TASP1: variants seen among roughly 807,000 people sequenced by gnomAD.
TASP1 encodes the protein taspase 1.
A neutral mutation model predicts 56.6 loss-of-function variants in TASP1; 16 were observed. The ratio of observed to expected loss-of-function variants is 0.28; its 90% CI spans 0.19 to 0.43. The LOEUF (loss-of-function observed/expected upper bound fraction) is 0.43, where lower values mean the gene tolerates loss of function less well. Ranked by LOEUF, TASP1 falls within the 20% of genes least tolerant of loss-of-function variation. The pLI is 1.00. For synonymous variants in TASP1, 179 were observed against 184.2 expected, an observed-to-expected ratio of 0.97 and a Z score of 0.23; for missense variants, 393 against 511.6, an observed-to-expected ratio of 0.77 and a Z score of 2.24.
chr20:13,542,889 C>T (rs888836282), intron 8 of TASP1, among the ~76,000 whole-genome samples: 1 of 151,348 alleles, frequency 6.6e-6, no homozygotes, highest in African/African-American at 2.4e-5. Flanking sequence ...AATTAATAAG[C>T]TAACTATCCA....
the TASP1 span, among the ~76,000 whole-genome samples, chr20:13,224,793 T>C: frequency 6.6e-6 from 1 of 152,044 alleles, no homozygotes; most frequent in Non-Finnish European, 1.5e-5. Context: ...AAGTGCCTTT[T>C]ATGTGGCAGG....
At chr20:13,567,580 C>A (rs140969529) in intron 7 of TASP1, among the ~76,000 whole-genome samples, 6 of 151,368 alleles carry the variant, frequency 4.0e-5, no homozygotes, top group Admixed American at 1.3e-4. Context: ...AAAAAAAATG[C>A]CCCAAGATGC....
At chr20:13,129,390 T>C in the TASP1 span, among the ~76,000 whole-genome samples, 1 of 152,210 alleles carries the variant, frequency 6.6e-6, no homozygotes, top group African/African-American at 2.4e-5. Context: ...GAAAAACTGT[T>C]CTGGAACTAC....
intron 12 of TASP1, 147 bp downstream of exon 12, chr20:13,434,897 A>C: frequency 1.9e-6 from 1 of 523,344 alleles, no homozygotes; most frequent in Non-Finnish European, 3.4e-6. Flanking sequence ...CTACGGAAAA[A>C]GATCAGTAGA....
the TASP1 span, chr20:13,221,815 G>A: frequency 6.9e-7 from 1 of 1,457,740 alleles, no homozygotes; most frequent in African/African-American, 1.5e-5. Context: ...TGCTGCTGGG[G>A]CTGCTGCTGC....
the TASP1 span, among the ~76,000 whole-genome samples, chr20:13,192,241 T>C: frequency 1.3e-5 from 2 of 151,974 alleles, no homozygotes; most frequent in Non-Finnish European, 2.9e-5. Flanking sequence ...AATTTGGAGG[T>C]ACATAAAGAA....
chr20:13,273,481 C>A, the TASP1 span, among the ~76,000 whole-genome samples: 1 of 152,070 alleles, frequency 6.6e-6, no homozygotes, highest in Non-Finnish European at 1.5e-5. Flanking sequence ...AGTAATTTTC[C>A]TGCCTCAGCC....
intron 4 of TASP1, among the ~76,000 whole-genome samples, chr20:13,610,460 C>T (rs1356905388): frequency 6.6e-6 from 1 of 152,108 alleles, no homozygotes; most frequent in Non-Finnish European, 1.5e-5. Flanking sequence ...GTGCTAGTGA[C>T]ACAAGGCCGG....
At chr20:13,597,526 G>C (rs529961171) in intron 4 of TASP1, among the ~76,000 whole-genome samples, 183 of 152,220 alleles carry the variant, frequency 1.2e-3, no homozygotes, top group African/African-American at 3.9e-3. Context: ...CTGATGGAAT[G>C]TATCTCAAAA....
the TASP1 span, among the ~76,000 whole-genome samples, chr20:13,373,510 A>T: frequency 6.6e-6 from 1 of 150,600 alleles, no homozygotes; most frequent in African/African-American, 2.4e-5. Context: ...TTTGAAAGAC[A>T]GTCTTTTAAG....
At chr20:13,593,817 C>T (rs1207135522) in intron 4 of TASP1, among the ~76,000 whole-genome samples, 1 of 152,196 alleles carries the variant, frequency 6.6e-6, no homozygotes, top group Non-Finnish European at 1.5e-5. Flanking sequence ...CAGACTTAAA[C>T]GTCCCTGTCT....
At chr20:13,386,868 C>T (rs938653900), downstream of TASP1, among the ~76,000 whole-genome samples, 4 of 152,104 alleles carry the variant, frequency 2.6e-5, no homozygotes, top group African/African-American at 9.7e-5. Context: ...AATTTTCTGT[C>T]TTTCCAACTT....
At chr20:13,291,314 G>A in the TASP1 span, among the ~76,000 whole-genome samples, 72 of 152,254 alleles carry the variant, frequency 4.7e-4, no homozygotes, top group African/African-American at 1.6e-3. Context: ...TCGTTTTTAA[G>A]GATCTCTTTA....
At chr20:13,521,697 G>A (rs1377458404) in intron 10 of TASP1, among the ~76,000 whole-genome samples, 3 of 151,362 alleles carry the variant, frequency 2.0e-5, no homozygotes, top group Admixed American at 2.0e-4. Flanking sequence ...CGAGTTAATG[G>A]GTGCAGCACA....
the TASP1 span, chr20:13,270,595 C>T: frequency 4.3e-6 from 7 of 1,613,892 alleles, no homozygotes; most frequent in East Asian, 8.9e-5. Context: ...CACCAGGCTG[C>T]ACACCAACCC....
At chr20:13,499,331 G>T (rs1225428943) in intron 10 of TASP1, among the ~76,000 whole-genome samples, 1 of 152,018 alleles carries the variant, frequency 6.6e-6, no homozygotes, top group Non-Finnish European at 1.5e-5. Flanking sequence ...ATGGAGGGGT[G>T]CAAGGGCTGA....
the TASP1 span, chr20:13,133,132 G>C: frequency 6.6e-6 from 1 of 151,856 alleles, no homozygotes; most frequent in East Asian, 1.9e-4. Context: ...TTTTCTATTT[G>C]TTCTTCCTCT....
intron 10 of TASP1, among the ~76,000 whole-genome samples, chr20:13,495,899 C>T (rs2043704792): frequency 6.6e-6 from 1 of 152,116 alleles, no homozygotes; most frequent in African/African-American, 2.4e-5. Context: ...TTCATATAGT[C>T]TCAGGAAATT....
the TASP1 span, among the ~76,000 whole-genome samples, chr20:13,379,622 G>A: frequency 6.6e-6 from 1 of 152,062 alleles, no homozygotes; most frequent in Admixed American, 6.5e-5. Flanking sequence ...ATGTTGGCCT[G>A]TCTTGGTGGG....
Sources: allele counts gnomAD v4.1 joint callset (sites outside exome capture counted in the v4.1 genomes callset), GRCh38; gene constraint gnomAD v4.1.1; transcripts MANE v1.5; gene names NCBI Gene and HGNC (gene_info 2026-07-23, HGNC 2026-07-21).